CLEC2A: variants seen among roughly 807,000 people sequenced by gnomAD.
CLEC2A encodes the protein C-type lectin domain family 2 member A.
A neutral mutation model predicts 18.6 loss-of-function variants in CLEC2A; 19 were observed. That is an observed-to-expected ratio of 1.02 (90% confidence interval 0.71 to 1.50). CLEC2A has a LOEUF of 1.50. Ranked by LOEUF, CLEC2A falls within the 40% of genes most tolerant of loss-of-function variation. The pLI is 0.00. For synonymous variants in CLEC2A, 74 were observed against 64.0 expected, an observed-to-expected ratio of 1.16 and a Z score of -0.75; for missense variants, 190 against 207.9, an observed-to-expected ratio of 0.91 and a Z score of 0.53.
intron 2 of CLEC2A, among the ~76,000 whole-genome samples, chr12:9,923,351 A>G (rs1205793039): frequency 5.3e-5 from 8 of 152,256 alleles, no homozygotes; most frequent in Non-Finnish European, 8.8e-5. Context: ...TGGCCATCAA[A>G]GAAATGCAAA....
At chr12:9,910,750 C>T (rs1862972324), downstream of CLEC2A, among the ~76,000 whole-genome samples, 1 of 152,110 alleles carries the variant, frequency 6.6e-6, no homozygotes, top group South Asian at 2.1e-4. Context: ...TCCTTTCCAC[C>T]CACGTTGCTG....
chr12:9,923,323 A>G (rs7976884), intron 2 of CLEC2A, among the ~76,000 whole-genome samples: 50,090 of 152,198 alleles, frequency 0.33, 9,254 homozygotes, highest in Non-Finnish European at 0.41. Context: ...AGACACAGGA[A>G]AAAACGCTCA....
intron 2 of CLEC2A, among the ~76,000 whole-genome samples, chr12:9,923,567 T>C (rs1018369351): frequency 2.0e-5 from 3 of 152,136 alleles, no homozygotes; most frequent in African/African-American, 7.2e-5. Context: ...ACCCAGCCAT[T>C]CCATTACTGG....
intron 2 of CLEC2A, among the ~76,000 whole-genome samples, chr12:9,923,623 A>G (rs770759): frequency 0.69 from 104,348 of 152,008 alleles, 36,272 homozygotes; most frequent in South Asian, 0.77. Flanking sequence ...AAAGACACAT[A>G]CACACGTATG....
At chr12:9,914,476 A>G (rs1464611994) in intron 4 of CLEC2A, among the ~76,000 whole-genome samples, 3 of 152,246 alleles carry the variant, frequency 2.0e-5, no homozygotes, top group Admixed American at 6.5e-5. Context: ...CTACAAGGCT[A>G]CAGTAACCAA....
chr12:9,887,823 A>G, the CLEC2A span, among the ~76,000 whole-genome samples: 1 of 151,312 alleles, frequency 6.6e-6, no homozygotes, highest in Non-Finnish European at 1.5e-5. Flanking sequence ...AGGCCAAGGC[A>G]GGTGGAGCGC....
chr12:9,900,609 G>A (rs776647828), intron 4 of CLEC2A, among the ~76,000 whole-genome samples: 24 of 152,252 alleles, frequency 1.6e-4, no homozygotes, highest in Non-Finnish European at 2.4e-4. Context: ...CCAGTCATGG[G>A]TTTGCATCCT....
intron 1 of CLEC2A, among the ~76,000 whole-genome samples, chr12:9,931,467 A>G (rs555372397): frequency 6.6e-6 from 1 of 152,336 alleles, no homozygotes; most frequent in East Asian, 1.9e-4. Flanking sequence ...CACTGAAAAC[A>G]TTCTAGTATA....
At chr12:9,917,724 T>C (rs1863096025) in intron 3 of CLEC2A, among the ~76,000 whole-genome samples, 1 of 152,208 alleles carries the variant, frequency 6.6e-6, no homozygotes, top group African/African-American at 2.4e-5. Flanking sequence ...CTCCAACCAA[T>C]AGTGTATAAG....
intron 2 of CLEC2A, among the ~76,000 whole-genome samples, chr12:9,925,624 G>A (rs907776142): frequency 6.6e-6 from 1 of 151,252 alleles, no homozygotes; most frequent in African/African-American, 2.4e-5. Context: ...AAAATTATCT[G>A]TAACAAGCCC....
rs73247983 is a variant in CLEC2A, at chr12:9,922,869, T to A, written c.140-637A>T. Among the ~76,000 whole-genome samples the A allele has an allele frequency of 7.1e-3, 1,077 of 152,298 alleles. 18 individuals carry two copies. The highest frequency in any genetic ancestry group is 0.025 in the African/African-American group (1,053 of 41,552). On this transcript the variant is annotated intron_variant, in intron 2 of 4. Coordinates refer to ENST00000455827, the MANE Select transcript of CLEC2A (RefSeq NM_001130711.2). ...TGCAAGTAATAAAGAGCCAACTATATGCTCAAATGTAGGGCAAACTCCAAA... is the reference window on the plus strand; with the variant it reads ...TGCAAGTAATAAAGAGCCAACTATAAGCTCAAATGTAGGGCAAACTCCAAA...
the CLEC2A span, among the ~76,000 whole-genome samples, chr12:9,888,169 T>C: frequency 6.7e-6 from 1 of 148,684 alleles, no homozygotes; most frequent in South Asian, 2.1e-4. Context: ...TGTAACATCA[T>C]ACATGAAGTC....
the CLEC2A span, chr12:9,893,234 A>G: frequency 7.0e-7 from 1 of 1,432,760 alleles, no homozygotes; most frequent in Non-Finnish European, 9.4e-7. Context: ...TTCACTGCCT[A>G]AGAAGCTTGG....
intron 1 of CLEC2A, among the ~76,000 whole-genome samples, chr12:9,926,603 A>G (rs898920910): frequency 2.6e-5 from 4 of 152,180 alleles, no homozygotes; most frequent in African/African-American, 9.6e-5. Context: ...AGGAAAGGAA[A>G]GGAAAGTTTA....
chr12:9,907,080 T>C (rs111694868), intron 4 of CLEC2A, among the ~76,000 whole-genome samples: 224 of 152,300 alleles, frequency 1.5e-3, no homozygotes, highest in African/African-American at 5.3e-3. Context: ...GTCAGTAATG[T>C]GGTTGCTGTG....
At chr12:9,894,111 TTTTC>T (rs1410851189), downstream of CLEC2A, among the ~76,000 whole-genome samples, 1 of 134,924 alleles carries the variant, frequency 7.4e-6, no homozygotes, top group Non-Finnish European at 1.5e-5. Context: ...CTCTTTTTCT[TTTTC>T]TTTCTTTTCT....
At chr12:9,889,570 C>T in the CLEC2A span, among the ~76,000 whole-genome samples, 1 of 152,004 alleles carries the variant, frequency 6.6e-6, no homozygotes, top group African/African-American at 2.4e-5. Context: ...TTGGCCTATT[C>T]TGTGCGTTTT....
At chr12:9,892,873 C>G in the CLEC2A span, 33 of 593,604 alleles carry the variant, frequency 5.6e-5, no homozygotes, top group Non-Finnish European at 9.0e-5. Flanking sequence ...CGTGAGCCAC[C>G]GCGCCTGGTC....
At chr12:9,924,560 G>A (rs929119525) in intron 2 of CLEC2A, among the ~76,000 whole-genome samples, 28 of 152,126 alleles carry the variant, frequency 1.8e-4, no homozygotes, top group Non-Finnish European at 3.8e-4. Flanking sequence ...TCAAGTGCTG[G>A]GGACTATTTG....
Sources: allele counts gnomAD v4.1 joint callset (sites outside exome capture counted in the v4.1 genomes callset), GRCh38; gene constraint gnomAD v4.1.1; transcripts MANE v1.5; gene names NCBI Gene and HGNC (gene_info 2026-07-23, HGNC 2026-07-21).